RFX3: variants seen among roughly 807,000 people sequenced by gnomAD.
RFX3 encodes the protein transcription factor RFX3.
A neutral mutation model predicts 98.6 loss-of-function variants in RFX3; 14 were observed. That is an observed-to-expected ratio of 0.14 (90% confidence interval 0.09 to 0.22). The LOEUF (loss-of-function observed/expected upper bound fraction) is 0.22, where lower values mean the gene tolerates loss of function less well. RFX3 is among the 10% of genes least tolerant of loss of function. The pLI is 1.00. For missense variants in RFX3, 639 were observed against 926.9 expected, an observed-to-expected ratio of 0.69 and a Z score of 4.03; for synonymous variants, 383 against 328.4, an observed-to-expected ratio of 1.17 and a Z score of -1.80.
intron 4 of RFX3, among the ~76,000 whole-genome samples, chr9:3,312,243 C>A (rs1266727452): frequency 6.6e-6 from 1 of 152,112 alleles, no homozygotes; most frequent in East Asian, 1.9e-4. Context: ...TATGTATGTA[C>A]ATATGAGTGA....
At position 3,248,203 on chromosome 9, in the gene RFX3, A is replaced by G. The variant is rs1370444283; in HGVS notation, c.1815-18T>C. On this transcript the variant is annotated intron_variant, in intron 14 of 16. Coordinates refer to ENST00000617270, the MANE Select transcript of RFX3 (RefSeq NM_001282116.2). Reference sequence around the variant, plus strand: ...CCATTGAGCTGTTCCAAGAGAAAAGACAAATATGCAGCTAACATTAGTGAC... The same window carrying G: ...CCATTGAGCTGTTCCAAGAGAAAAGGCAAATATGCAGCTAACATTAGTGAC... 1 of 1,579,052 alleles carries G rather than the reference A, an allele frequency of 6.3e-7. No individual in the cohort carries two copies. Among genetic ancestry groups the G allele is most frequent in the African/African-American group, 1.4e-5 (1 of 73,618 alleles).
At chr9:3,501,515 A>C (rs1339892628) in intron 1 of RFX3, among the ~76,000 whole-genome samples, 1 of 151,742 alleles carries the variant, frequency 6.6e-6, no homozygotes, top group Non-Finnish European at 1.5e-5. Flanking sequence ...AAGATCAATA[A>C]GGATGTTGAT....
At chr9:3,312,745 G>C (rs899944378) in intron 4 of RFX3, among the ~76,000 whole-genome samples, 1 of 152,170 alleles carries the variant, frequency 6.6e-6, no homozygotes, top group Non-Finnish European at 1.5e-5. Context: ...GGGGTCCCAC[G>C]CCCATGGAGC....
At chr9:3,397,213 C>G (rs1468870565) in intron 1 of RFX3, among the ~76,000 whole-genome samples, 1 of 152,224 alleles carries the variant, frequency 6.6e-6, no homozygotes, top group African/African-American at 2.4e-5. Flanking sequence ...TTGACATCCC[C>G]TTTTACTACT....
chr9:3,420,823 C>G, intron 1 of RFX3: 1 of 985,186 alleles, frequency 1.0e-6, no homozygotes, highest in Non-Finnish European at 1.2e-6. Context: ...TCAGATGATC[C>G]AAGATGTCAG....
At chr9:3,356,323 G>C (rs1441436292) in intron 2 of RFX3, among the ~76,000 whole-genome samples, 1 of 151,812 alleles carries the variant, frequency 6.6e-6, no homozygotes, top group African/African-American at 2.4e-5. Context: ...TTGCAAGGAT[G>C]AAAGGGGAAA....
intron 11 of RFX3, among the ~76,000 whole-genome samples, chr9:3,267,328 C>T (rs768074266): frequency 3.9e-5 from 6 of 152,008 alleles, no homozygotes; most frequent in Admixed American, 1.3e-4. Context: ...ATAAGAAACA[C>T]AGTTATATTT....
At chr9:3,232,430 A>G (rs1441774869) in intron 15 of RFX3, among the ~76,000 whole-genome samples, 1 of 152,096 alleles carries the variant, frequency 6.6e-6, no homozygotes, top group African/African-American at 2.4e-5. Context: ...CCTACAAAGC[A>G]CCCACCACAA....
intron 2 of RFX3, among the ~76,000 whole-genome samples, chr9:3,375,426 A>T (rs369881774): frequency 2.8e-4 from 43 of 152,292 alleles, no homozygotes; most frequent in African/African-American, 1.0e-3. Flanking sequence ...AATTTATTCA[A>T]ACTAGCATAC....
Position 3,490,321 on chromosome 9 carries a change from T to C in RFX3, c.-9+35426A>G, listed in dbSNP as rs546758104. 6.0e-5 allele frequency: 59 copies of C among 984,158 alleles called. No individual in the cohort carries two copies. The African/African-American group carries it at 9.8e-4, about 16-fold the overall frequency. The allele number at this position is 984,158 out of a possible 1,614,324, so 61.0% of individuals were successfully genotyped here. On this transcript the variant is annotated intron_variant, in intron 1 of 16. Transcript: ENST00000617270. ...GCCAAACTCAACGTATTCTCTACCA[T>C]AAAATGCCAGAATGACCAAGTGGCC...
At chr9:3,310,619 T>C (rs2920369) in intron 4 of RFX3, among the ~76,000 whole-genome samples, 19,356 of 152,188 alleles carry the variant, frequency 0.13, 1,288 homozygotes, top group Middle Eastern at 0.19. Context: ...TCTCACTTTA[T>C]CTTCACAACA....
intron 4 of RFX3, among the ~76,000 whole-genome samples, chr9:3,305,503 T>C (rs1422889887): frequency 6.6e-6 from 1 of 151,912 alleles, no homozygotes; most frequent in Non-Finnish European, 1.5e-5. Flanking sequence ...CATAGGAATA[T>C]ATCATGACAA....
At chr9:3,468,175 C>T (rs1017509608) in intron 1 of RFX3, among the ~76,000 whole-genome samples, 16 of 152,092 alleles carry the variant, frequency 1.1e-4, no homozygotes, top group Admixed American at 6.6e-5. Flanking sequence ...ATGTATTACT[C>T]GGCTTCTTCA....
chr9:3,514,110 A>C (rs1193204221), intron 1 of RFX3, among the ~76,000 whole-genome samples: 4 of 152,200 alleles, frequency 2.6e-5, no homozygotes, highest in Admixed American at 6.5e-5. Flanking sequence ...ATCATCATAC[A>C]ATGTGAGACA....
intron 2 of RFX3, among the ~76,000 whole-genome samples, chr9:3,358,319 T>A (rs1836012006): frequency 6.6e-6 from 1 of 152,082 alleles, no homozygotes; most frequent in Non-Finnish European, 1.5e-5. Flanking sequence ...TCTGTGAAAA[T>A]TTCATCTTTA....
In RFX3 at chr9:3,407,413, A is replaced by C. The variant is rs547754764; in HGVS notation, c.-8-11817T>G. On this transcript the variant is annotated intron_variant, in intron 1 of 16. Transcript: ENST00000617270. ...GAGAAAACTGAGGCATAACTTAAAT[A>C]ATTAAATATTTAATTATTTAATAAT... 2.5e-3 allele frequency among the ~76,000 whole-genome samples: 380 copies of C among 152,240 alleles called. 3 individuals carry two copies. Among genetic ancestry groups the C allele is most frequent in the African/African-American group, 8.8e-3 (365 of 41,564 alleles).
chr9:3,233,651 C>A (rs1818770210), intron 15 of RFX3, among the ~76,000 whole-genome samples: 1 of 152,122 alleles, frequency 6.6e-6, no homozygotes, highest in South Asian at 2.1e-4. Flanking sequence ...GTTTACCCCA[C>A]CCTGAGGAGA....
At chr9:3,492,894 A>G (rs1208754807) in intron 1 of RFX3, among the ~76,000 whole-genome samples, 1 of 152,154 alleles carries the variant, frequency 6.6e-6, no homozygotes, top group East Asian at 1.9e-4. Flanking sequence ...GTATGGAGAA[A>G]TATAGTGAGT....
chr9:3,388,139 G>A (rs887679353), intron 2 of RFX3, among the ~76,000 whole-genome samples: 4 of 152,060 alleles, frequency 2.6e-5, no homozygotes, highest in Non-Finnish European at 5.9e-5. Context: ...ATACTACTCA[G>A]AATATGGCAA....
Sources: allele counts gnomAD v4.1 joint callset (sites outside exome capture counted in the v4.1 genomes callset), GRCh38; gene constraint gnomAD v4.1.1; transcripts MANE v1.5; gene names NCBI Gene and HGNC (gene_info 2026-07-23, HGNC 2026-07-21).